ADAM9: variants seen among roughly 807,000 people sequenced by gnomAD.
The protein encoded by ADAM9 is disintegrin and metalloproteinase domain-containing protein 9.
A neutral mutation model predicts 108.1 loss-of-function variants in ADAM9; 54 were observed. The observed-to-expected ratio is 0.50, with a 90% confidence interval of 0.40 to 0.63. The LOEUF is 0.63. ADAM9 is among the 20% of genes least tolerant of loss of function. ADAM9 has a pLI of 0.00. For missense variants in ADAM9, 830 were observed against 997.7 expected, an observed-to-expected ratio of 0.83 and a Z score of 2.26; for synonymous variants, 316 against 336.0, an observed-to-expected ratio of 0.94 and a Z score of 0.65.
In ADAM9 at chr8:39,017,391, C is replaced by G. The variant is rs548270940; in HGVS notation, c.583C>G (p.Pro195Ala). The part of the protein sequence containing the change: ...ETAKDEEEEP[P>A]SMTQLLRRRR... ...TGCAAAGGATGAAGAGGAAGAGCCTCCCAGCATGACTCAGCTACTTCGAGT... is the reference window on the plus strand; with the variant it reads ...TGCAAAGGATGAAGAGGAAGAGCCTGCCAGCATGACTCAGCTACTTCGAGT... The change falls in exon 6 of 22, where the codon CCC (proline) becomes GCC (alanine). Residue 195 changes from proline to alanine, a missense_variant. Transcript: ENST00000487273. 3.5e-5 allele frequency: 56 copies of G among 1,613,944 alleles called. No homozygotes were observed. The East Asian group carries it at 8.7e-4, about 25-fold the overall frequency.
chr8:39,098,154 TC>T (rs1839568919), intron 20 of ADAM9, among the ~76,000 whole-genome samples: 2 of 152,174 alleles, frequency 1.3e-5, no homozygotes, highest in Non-Finnish European at 1.5e-5. Context: ...TATTTTAACA[TC>T]CTTTGTTGCA....
At chr8:39,077,081 A>G (rs998833115) in intron 15 of ADAM9, 147 bp from the exon 16 acceptor site, 1 of 856,372 alleles carries the variant, frequency 1.2e-6, no homozygotes, top group Admixed American at 2.3e-5. Context: ...AAAGAGAGCT[A>G]CTTTGACCTC....
chr8:39,039,574 A>G (rs1040918100), intron 11 of ADAM9, among the ~76,000 whole-genome samples: 1 of 152,152 alleles, frequency 6.6e-6, no homozygotes, highest in Middle Eastern at 3.2e-3. Flanking sequence ...CACCATAATC[A>G]GTGTTTTATT....
intron 16 of ADAM9, 50 bp downstream of exon 16, chr8:39,077,461 A>C: frequency 6.7e-7 from 1 of 1,499,584 alleles, no homozygotes. Flanking sequence ...AAATTAAAAA[A>C]ATTATTATAC....
At chr8:39,090,997 T>G (rs1839336177) in intron 19 of ADAM9, among the ~76,000 whole-genome samples, 1 of 152,244 alleles carries the variant, frequency 6.6e-6, no homozygotes, top group African/African-American at 2.4e-5. Flanking sequence ...TAGGGAACAT[T>G]GGCCTAATTG....
intron 1 of ADAM9, among the ~76,000 whole-genome samples, chr8:39,005,479 A>G (rs1161498594): frequency 1.3e-5 from 2 of 152,252 alleles, no homozygotes; most frequent in Non-Finnish European, 2.9e-5. Flanking sequence ...AAGCTGTTCC[A>G]TGAACTGGGC....
intron 15 of ADAM9, among the ~76,000 whole-genome samples, chr8:39,074,800 C>T (rs913874271): frequency 1.3e-5 from 2 of 151,908 alleles, no homozygotes; most frequent in Middle Eastern, 3.4e-3. Context: ...ATGGCTGGGC[C>T]AGTGGGCTCA....
At chr8:39,031,663 G>A (rs187819914) in intron 11 of ADAM9, among the ~76,000 whole-genome samples, 1 of 152,328 alleles carries the variant, frequency 6.6e-6, no homozygotes, top group Non-Finnish European at 1.5e-5. Context: ...GCCTGTCAAA[G>A]TCATTCTCTG....
chr8:39,057,626 G>T (rs1838168466), intron 14 of ADAM9, among the ~76,000 whole-genome samples: 1 of 152,016 alleles, frequency 6.6e-6, no homozygotes, highest in African/African-American at 2.4e-5. Context: ...TAGTGTTTCA[G>T]TTCAATTCCA....
chr8:39,007,560 A>G (rs952769182), intron 1 of ADAM9, among the ~76,000 whole-genome samples: 1 of 152,194 alleles, frequency 6.6e-6, no homozygotes, highest in African/African-American at 2.4e-5. Context: ...TCTTGTGTTT[A>G]TACCTTAAGA....
chr8:39,010,895 C>T (rs552150544), intron 2 of ADAM9, among the ~76,000 whole-genome samples: 1 of 151,936 alleles, frequency 6.6e-6, no homozygotes, highest in African/African-American at 2.4e-5. Flanking sequence ...GAGTTCAAGA[C>T]CAGCCTTACC....
At chr8:38,998,964 G>A (rs1256733912) in intron 1 of ADAM9, among the ~76,000 whole-genome samples, 1 of 152,126 alleles carries the variant, frequency 6.6e-6, no homozygotes. Context: ...GTTTTAAGTA[G>A]GGGTGCGACC....
chr8:39,061,494 G>A (rs1035271760), intron 14 of ADAM9, among the ~76,000 whole-genome samples: 2 of 152,162 alleles, frequency 1.3e-5, no homozygotes, highest in African/African-American at 4.8e-5. Flanking sequence ...ATAGGGTTCT[G>A]TGTTCCTGAA....
intron 13 of ADAM9, 85 bp downstream of exon 13, chr8:39,054,658 T>A (rs1437762862): frequency 1.6e-5 from 19 of 1,196,988 alleles, no homozygotes; most frequent in Non-Finnish European, 2.2e-5. Context: ...TTTTTTGAGA[T>A]TTCTGAGTCA....
intron 20 of ADAM9, among the ~76,000 whole-genome samples, chr8:39,101,060 A>T (rs1839680710): frequency 6.6e-6 from 1 of 152,230 alleles, no homozygotes; most frequent in Non-Finnish European, 1.5e-5. Flanking sequence ...ATTTTGGAAG[A>T]TTTTATTTAA....
intron 14 of ADAM9, 69 bp downstream of exon 14, chr8:39,055,841 G>T: frequency 6.8e-7 from 1 of 1,463,078 alleles, no homozygotes; most frequent in East Asian, 2.5e-5. Flanking sequence ...TTTTAAAAAA[G>T]GTAATGAAAC....
Position 39,025,696 on chromosome 8 carries a change from C to T in ADAM9, c.915-107C>T. On this transcript the variant is annotated intron_variant, in intron 9 of 21. Coordinates refer to ENST00000487273, the MANE Select transcript of ADAM9 (RefSeq NM_003816.3). ...ATTTTTTTTTTTTGCCATTTTCCTG[C>T]CATGTTTTGTAGGTTCTCCCAATCC... 10 of 1,040,304 alleles carry T rather than the reference C, an allele frequency of 9.6e-6. 1 individual carries two copies. In the South Asian group the frequency reaches 1.2e-4, roughly 13 times the overall value. The allele number at this position is 1,040,304 out of a possible 1,614,324, so 64.4% of individuals were successfully genotyped here.
chr8:39,062,192 A>G (rs1483342729), intron 14 of ADAM9, among the ~76,000 whole-genome samples: 1 of 152,222 alleles, frequency 6.6e-6, no homozygotes, highest in African/African-American at 2.4e-5. Context: ...CGTTCAGTAT[A>G]TAACCATTGC....
In ADAM9 at chr8:39,067,974, A is replaced by G. The variant is rs180828321; in HGVS notation, c.1592-3324A>G. Among the ~76,000 whole-genome samples, 193 of 152,298 alleles carry G rather than the reference A, an allele frequency of 1.3e-3. 2 individuals carry two copies. Among genetic ancestry groups the G allele is most frequent in the Admixed American group, 4.0e-3 (61 of 15,296 alleles). ...CATGAAGGGCTGTTGAATTTTGTCA[A>G]AGGCCTTTTCTGCATCTGTTGAGAT... On this transcript the variant is annotated intron_variant, in intron 14 of 21. Transcript: ENST00000487273.
Sources: gnomAD v4.1 joint callset for allele counts (sites outside exome capture counted in the v4.1 genomes callset) on GRCh38, gnomAD v4.1.1 for gene constraint, MANE v1.5 for transcripts, NCBI Gene and HGNC (gene_info 2026-07-23, HGNC 2026-07-21) for gene names.